The following PI4KA variants were observed in gnomAD, a reference collection of about 807,000 sequenced individuals.
PI4KA encodes phosphatidylinositol 4-kinase alpha.
Under a neutral mutation model 271.4 loss-of-function variants are expected in PI4KA, and 122 were observed. That is an observed-to-expected ratio of 0.45 (90% confidence interval 0.39 to 0.52). The LOEUF is 0.52. Among genes scored for constraint, PI4KA ranks in the 20% least tolerant of loss-of-function variants. The probability of loss-of-function intolerance (pLI) is 0.00; values close to 1 mark genes in which losing one functional copy is unlikely to be tolerated. For missense variants in PI4KA, 1,969 were observed against 2,769.1 expected, an observed-to-expected ratio of 0.71 and a Z score of 6.48; for synonymous variants, 1,041 against 1,078.8, an observed-to-expected ratio of 0.96 and a Z score of 0.69.
At chr22:20,745,040 C>T (rs1257808925) in intron 29 of PI4KA, among the ~76,000 whole-genome samples, 5 of 152,146 alleles carry the variant, frequency 3.3e-5, no homozygotes, top group Non-Finnish European at 7.3e-5. Flanking sequence ...GCATTCACAG[C>T]CGTCTCCTTG....
Position 20,780,154 on chromosome 22 carries a change from T to C in PI4KA, c.2328+13039A>G, listed in dbSNP as rs145370736. 3.7e-4 allele frequency: 605 copies of C among 1,614,212 alleles called. 9 individuals carry two copies. The Admixed American group carries it at 6.4e-3, about 17-fold the overall frequency. ...CTCATAAAAGATGCTCTGGAGAATA[T>C]AGACCCTGCTACCCAGATGATGATT... On this transcript the variant is annotated intron_variant, in intron 19 of 54. Transcript: ENST00000255882.
chr22:20,812,719 A>G (rs1033774242), intron 8 of PI4KA, among the ~76,000 whole-genome samples: 2 of 152,092 alleles, frequency 1.3e-5, no homozygotes, highest in South Asian at 2.1e-4. Context: ...ATGTACAGCT[A>G]AAGTTTTGTG....
Position 20,784,034 on chromosome 22 carries a change from A to G in PI4KA, c.2328+9159T>C, listed in dbSNP as rs1036447245. 5.6e-6 allele frequency: 9 copies of G among 1,614,052 alleles called. No homozygotes were observed. The South Asian group carries it at 7.7e-5, about 14-fold the overall frequency. On this transcript the variant is annotated intron_variant, in intron 19 of 54. Transcript: ENST00000255882. ...CAACCACAACTTCCGGCTGAATGAG[A>G]GAGAGGTAGTTAAGGTTTCCATGAT...
rs755091240 is a variant in PI4KA at position 20,818,554 on chromosome 22, AAC to A, written c.790-7_790-6del. 4.6e-6 allele frequency: 7 copies of A among 1,534,684 alleles called. No individual in the cohort carries two copies. The South Asian group carries it at 7.8e-5, about 17-fold the overall frequency. On this transcript the variant is annotated splice_polypyrimidine_tract_variant and splice_region_variant and intron_variant, in intron 6 of 54. Transcript: ENST00000255882. ...CATGCCGCGTTCAGGGCTGACCTGA[AAC>A]ACACAACCACAGTTACATATCAGAA...
intron 53 of PI4KA, among the ~76,000 whole-genome samples, chr22:20,709,687 A>ACT (rs1555876886): frequency 1.0e-5 from 1 of 100,412 alleles, no homozygotes; most frequent in Non-Finnish European, 2.0e-5. Context: ...CCTTGACATA[A>ACT]AGAGGCCCCT....
chr22:20,751,900 C>T (rs1930745674), intron 25 of PI4KA, 145 bp from the exon 26 acceptor site: 1 of 686,392 alleles, frequency 1.5e-6, no homozygotes, highest in Non-Finnish European at 2.6e-6. Flanking sequence ...CAGCAGGATG[C>T]CTGGCCTCCT....
chr22:20,782,297 A>G (rs1933860797), intron 19 of PI4KA, among the ~76,000 whole-genome samples: 1 of 152,170 alleles, frequency 6.6e-6, no homozygotes, highest in Admixed American at 6.5e-5. Context: ...TCTCCTAAAC[A>G]CAGTAACCCG....
chr22:20,820,473 T>G (rs1158211680), intron 5 of PI4KA, 66 bp downstream of exon 5: 35 of 1,033,446 alleles, frequency 3.4e-5, no homozygotes, highest in Non-Finnish European at 5.2e-5. Flanking sequence ...CAGAAAAGAC[T>G]GGAGAAAAGC....
Position 20,820,739 on chromosome 22 carries a change from C to T in PI4KA, c.457-128G>A, listed in dbSNP as rs114190538. ...CAACCCCATATATGATACATCCCTCCACAACGACTGTGCCAAGTGGCCAAC... is the reference window on the plus strand; with the variant it reads ...CAACCCCATATATGATACATCCCTCTACAACGACTGTGCCAAGTGGCCAAC... On this transcript the variant is annotated intron_variant, in intron 4 of 54. Transcript: ENST00000255882. The T allele has an allele frequency of 1.0e-3, 679 of 658,488 alleles. 3 individuals are homozygous for T. The African/African-American group carries it at 0.011, about 11-fold the overall frequency. 40.8% of individuals were successfully genotyped at this position (658,488 alleles called of 1,614,324 possible).
intron 11 of PI4KA, 75 bp downstream of exon 11, chr22:20,804,899 T>C (rs1016191241): frequency 6.5e-6 from 8 of 1,224,940 alleles, no homozygotes; most frequent in Middle Eastern, 2.7e-4. Context: ...TAGAAGTAGT[T>C]TGGGGAAACT....
At position 20,811,166 on chromosome 22, in the gene PI4KA, T is replaced by G. The variant is rs916490005; in HGVS notation, c.1006-134A>C. The G allele has an allele frequency of 4.3e-6, 3 of 698,294 alleles. No homozygotes were observed. In the African/African-American group the frequency reaches 5.2e-5, roughly 12 times the overall value. 43.3% of individuals were successfully genotyped at this position (698,294 alleles called of 1,614,324 possible). ...CAGATAAAGGCCAATAAATACAAAT[T>G]ATGGCTATGTATCAAACTATATGCA... On this transcript the variant is annotated intron_variant, in intron 8 of 54. Coordinates refer to ENST00000255882, the MANE Select transcript of PI4KA (RefSeq NM_058004.4).
intron 19 of PI4KA, among the ~76,000 whole-genome samples, chr22:20,773,294 G>A (rs1932980503): frequency 8.8e-6 from 1 of 113,598 alleles, no homozygotes; most frequent in South Asian, 2.6e-4. Context: ...GGCTGAGGCA[G>A]GAGAACGCTT....
At chr22:20,818,160 C>T in intron 7 of PI4KA, among the ~76,000 whole-genome samples, 1 of 152,060 alleles carries the variant, frequency 6.6e-6, no homozygotes, top group South Asian at 2.1e-4. Flanking sequence ...TTAGTACTTC[C>T]ACCTGAAAAG....
chr22:20,754,848 T>C (rs1302836592), intron 23 of PI4KA, among the ~76,000 whole-genome samples: 2 of 152,196 alleles, frequency 1.3e-5, no homozygotes, highest in Non-Finnish European at 2.9e-5. Context: ...CTTGGGAGGC[T>C]GAGGCAGGAG....
chr22:20,813,126 G>A (rs994325488), intron 8 of PI4KA, among the ~76,000 whole-genome samples: 9 of 152,070 alleles, frequency 5.9e-5, no homozygotes, highest in African/African-American at 1.2e-4. Context: ...CCTCCAAATG[G>A]GGATGCATGG....
chr22:20,818,867 T>C (rs1922195351), intron 6 of PI4KA, among the ~76,000 whole-genome samples: 1 of 152,196 alleles, frequency 6.6e-6, no homozygotes, highest in Non-Finnish European at 1.5e-5. Context: ...CAAAATAGCA[T>C]TTGGCACCCA....
intron 19 of PI4KA, chr22:20,779,403 G>C: frequency 6.2e-7 from 1 of 1,614,242 alleles, no homozygotes; most frequent in Non-Finnish European, 8.5e-7. Flanking sequence ...GCTAGAGAAA[G>C]GAGGGGAAAC....
intron 30 of PI4KA, 67 bp downstream of exon 30, chr22:20,744,561 G>A (rs1322278496): frequency 9.3e-7 from 1 of 1,077,248 alleles, no homozygotes; most frequent in Non-Finnish European, 1.4e-6. Flanking sequence ...CCACTAGGAA[G>A]CGGCCAACAG....
rs1935192560 is a variant in PI4KA, at chr22:20,799,748, C to T, written c.1743G>A (p.Leu581=). 3 of 1,552,412 alleles carry T rather than the reference C, an allele frequency of 1.9e-6. No homozygotes were observed. Among genetic ancestry groups the T allele is most frequent in the Non-Finnish European group, 2.6e-6 (3 of 1,147,322 alleles). The stretch of plus-strand genomic sequence containing the variant: ...CCTCCACAATCACTGGGTCCACCGT[C>T]AATCCAGCCTTCAGGCACCTGAGGA... ...DNICRCLKAG[L]TVDPVIVEAF... is the part of the protein sequence containing the mutation. Residue 581 remains leucine, a synonymous_variant, in exon 15 of 55, where the codon TTG becomes TTA. Transcript: ENST00000255882.
Sources: gnomAD v4.1 joint callset for allele counts (sites outside exome capture counted in the v4.1 genomes callset) on GRCh38, gnomAD v4.1.1 for gene constraint, MANE v1.5 for transcripts, NCBI Gene and HGNC (gene_info 2026-07-23, HGNC 2026-07-21) for gene names.